GLB1: variants seen among roughly 807,000 people sequenced by gnomAD.
The protein encoded by GLB1 is galactosidase beta 1.
GLB1 carries 56 observed loss-of-function variants against 74.0 expected under a neutral mutation model. The ratio of observed to expected loss-of-function variants is 0.76; its 90% CI spans 0.61 to 0.94. The LOEUF (loss-of-function observed/expected upper bound fraction) is 0.94. GLB1 is among the 40% of genes least tolerant of loss of function. The pLI, the probability that GLB1 is intolerant of heterozygous loss-of-function variation, is 0.00. For synonymous variants in GLB1, 323 were observed against 323.6 expected, an observed-to-expected ratio of 1.00 and a Z score of 0.02; for missense variants, 787 against 845.5, an observed-to-expected ratio of 0.93 and a Z score of 0.86.
At chr3:33,050,587 C>T (rs975809022) in intron 9 of GLB1, among the ~76,000 whole-genome samples, 2 of 152,112 alleles carry the variant, frequency 1.3e-5, no homozygotes, top group Non-Finnish European at 2.9e-5. Context: ...TTGGCAAACC[C>T]ACAGGGACAG....
chr3:33,076,223 G>C (rs1232657247), intron 1 of GLB1, among the ~76,000 whole-genome samples: 1 of 152,196 alleles, frequency 6.6e-6, no homozygotes, highest in African/African-American at 2.4e-5. Flanking sequence ...TAGCCATGGG[G>C]GAAGGTGACA....
chr3:32,984,994 A>G, the GLB1 span, among the ~76,000 whole-genome samples: 2 of 143,468 alleles, frequency 1.4e-5, no homozygotes, highest in African/African-American at 5.2e-5. Context: ...GGTCCCAGCT[A>G]TTTGGGAGGC....
downstream of GLB1, among the ~76,000 whole-genome samples, chr3:32,995,946 T>C (rs912470082): frequency 2.0e-5 from 3 of 151,796 alleles, no homozygotes; most frequent in African/African-American, 4.8e-5. Context: ...CAGATATAAG[T>C]ATATGAACAT....
At chr3:33,056,390 G>A (rs1699224046) in intron 6 of GLB1, among the ~76,000 whole-genome samples, 1 of 151,862 alleles carries the variant, frequency 6.6e-6, no homozygotes, top group African/African-American at 2.4e-5. Flanking sequence ...TGCTACTCAA[G>A]GAACTGGTCT....
intron 10 of GLB1, among the ~76,000 whole-genome samples, chr3:33,035,131 T>C (rs1467146135): frequency 6.6e-6 from 1 of 151,740 alleles, no homozygotes; most frequent in Non-Finnish European, 1.5e-5. Context: ...CCAAATGATG[T>C]TTTTAAAAAA....
rs992755520 is a variant in GLB1, at chr3:33,093,351, G to A, written c.75+3660C>T. 5.6e-6 allele frequency: 9 copies of A among 1,614,170 alleles called. No homozygotes were observed. The highest frequency in any genetic ancestry group is 1.3e-5 in the African/African-American group (1 of 75,030). The stretch of plus-strand genomic sequence containing the variant: ...TGCAAACCAGTTGCTGACATCTGAC[G>A]TGTAGTACTCATGATTGCCTGTGAC... On this transcript the variant is annotated intron_variant, in intron 1 of 15. Transcript: ENST00000307363. This position sits in a 1 kb window ranked among gnomAD's most constrained non-coding sequence, Gnocchi z 6.0.
chr3:33,092,801 G>A (rs1700821778), intron 1 of GLB1: 1 of 1,554,592 alleles, frequency 6.4e-7, no homozygotes, highest in Non-Finnish European at 8.7e-7. Flanking sequence ...TCGAGGACAA[G>A]GGCAGGGCAG....
intron 11 of GLB1, among the ~76,000 whole-genome samples, chr3:33,022,560 T>C (rs1393552930): frequency 8.3e-6 from 1 of 121,212 alleles, no homozygotes; most frequent in Admixed American, 1.0e-4. Context: ...TAATACTGGT[T>C]AGGATTTTTT....
chr3:32,986,791 A>G, the GLB1 span, among the ~76,000 whole-genome samples: 3 of 152,030 alleles, frequency 2.0e-5, no homozygotes, highest in Admixed American at 2.0e-4. Context: ...GGGTTTCACC[A>G]TGTTGGTCAG....
In GLB1 at chr3:33,072,668, A is replaced by G; in HGVS notation, c.121T>C (p.Phe41Leu). Residue 41 changes from phenylalanine (F) to leucine (L), a missense_variant, in exon 2 of 16, where the codon TTC becomes CTC. Phe to Leu is a conservative substitution (Grantham distance 22, BLOSUM62 0). Transcript: ENST00000307363. Reference sequence around the variant, plus strand: ...CGAAATGGCTGGCCATCCTTGAGGAAGGAGTCCCGGCTATAGTCAATTTCA... The same window carrying G: ...CGAAATGGCTGGCCATCCTTGAGGAGGGAGTCCCGGCTATAGTCAATTTCA... ...MFEIDYSRDS[F>L]LKDGQPFRYI... The G allele has an allele frequency of 6.2e-7, 1 of 1,614,178 alleles. No individual in the cohort carries two copies. Among genetic ancestry groups the G allele is most frequent in the Non-Finnish European group, 8.5e-7 (1 of 1,180,032 alleles).
At chr3:33,088,219 G>C (rs1700605087) in intron 1 of GLB1, among the ~76,000 whole-genome samples, 1 of 152,132 alleles carries the variant, frequency 6.6e-6, no homozygotes, top group Admixed American at 6.6e-5. Context: ...CAAGATGTCT[G>C]TTTTTGCCAC....
chr3:32,989,033 G>C, the GLB1 span, among the ~76,000 whole-genome samples: 1 of 152,016 alleles, frequency 6.6e-6, no homozygotes, highest in Admixed American at 6.5e-5. Context: ...AGTGACCTCT[G>C]GTCCACTACA....
chr3:33,069,279 G>A (rs1434351065), intron 2 of GLB1, among the ~76,000 whole-genome samples: 1 of 152,136 alleles, frequency 6.6e-6, no homozygotes, highest in Non-Finnish European at 1.5e-5. Flanking sequence ...CAGTTACCCT[G>A]GAGGCTTGAG....
intron 2 of GLB1, 56 bp from the exon 3 acceptor site, chr3:33,069,026 A>G: frequency 6.2e-7 from 1 of 1,613,880 alleles, no homozygotes; most frequent in Non-Finnish European, 8.5e-7. Flanking sequence ...AGAAGAAAGA[A>G]GCGTGGGGAA....
chr3:33,006,855 C>G (rs1275865343), intron 15 of GLB1, among the ~76,000 whole-genome samples: 1 of 152,176 alleles, frequency 6.6e-6, no homozygotes, highest in Non-Finnish European at 1.5e-5. Flanking sequence ...AGGGCCTCTC[C>G]TGATGAAGGA....
chr3:33,014,132 A>G lies in GLB1; in HGVS notation c.1658T>C (p.Met553Thr), dbSNP rs2125463098. 1 of 1,614,158 alleles carries G rather than the reference A, an allele frequency of 6.2e-7. No individual in the cohort carries two copies. The highest frequency in any genetic ancestry group is 8.5e-7 in the Non-Finnish European group (1 of 1,180,036). ...SSNYTLPAFYMGNFSIPSGIP... is the reference protein window; with the variant it reads ...SSNYTLPAFYTGNFSIPSGIP... The stretch of plus-strand genomic sequence containing the variant: ...CCCACTGGGAATGGAGAAGTTCCCC[A>G]TATAAAAGGCCGGGAGCGTGTAGTT... Residue 553 changes from methionine to threonine, a missense_variant, in exon 15 of 16, where the codon ATG becomes ACG. Coordinates refer to ENST00000307363, the MANE Select transcript of GLB1 (RefSeq NM_000404.4).
chr3:33,024,176 C>T (rs1329242899), intron 11 of GLB1, 75 bp downstream of exon 11: 2 of 1,480,720 alleles, frequency 1.4e-6, no homozygotes, highest in Non-Finnish European at 1.8e-6. Flanking sequence ...ACAGCACTTT[C>T]ACTCACTGCT....
intron 4 of GLB1, 67 bp from the exon 5 acceptor site, chr3:33,065,624 G>A (rs1699640310): frequency 6.6e-7 from 1 of 1,524,686 alleles, no homozygotes; most frequent in Non-Finnish European, 8.9e-7. Flanking sequence ...TGCAGCCCAG[G>A]ATGGCTTTGA....
At chr3:33,090,976 CTGA>C (rs1292203618) in intron 1 of GLB1, 53 of 985,080 alleles carry the variant, frequency 5.4e-5, no homozygotes, top group Non-Finnish European at 6.3e-5. Flanking sequence ...GCCCAGGTCA[CTGA>C]TGAGAAAGAT....
Sources: gnomAD v4.1 joint callset for allele counts (sites outside exome capture counted in the v4.1 genomes callset) on GRCh38, gnomAD v4.1.1 for gene constraint, Gnocchi (gnomAD v3.1) non-coding constraint, MANE v1.5 for transcripts, NCBI Gene and HGNC (gene_info 2026-07-23, HGNC 2026-07-21) for gene names.